The following ERC2 variants were observed in gnomAD, a reference collection of about 807,000 sequenced individuals.
ERC2 encodes the protein ERC protein 2.
ERC2 carries 42 observed loss-of-function variants against 114.8 expected under a neutral mutation model. The observed-to-expected ratio is 0.37, with a 90% CI of 0.29 to 0.47. The LOEUF is 0.47. Ranked by LOEUF, ERC2 falls within the 20% of genes least tolerant of loss-of-function variation. The pLI, the probability that ERC2 is intolerant of heterozygous loss-of-function variation, is 0.99. For synonymous variants in ERC2, 454 were observed against 425.5 expected (o/e 1.07, Z -0.82); for missense variants, 939 against 1,150.7 (o/e 0.82, Z 2.66).
Position 55,508,852 on chromosome 3 carries a change from A to G in ERC2, c.*2464T>C, listed in dbSNP as rs2051914304. 6.6e-6 allele frequency: 1 copy of G among 152,650 alleles called. No individual in the cohort carries two copies. Among genetic ancestry groups the G allele is most frequent in the African/African-American group, 2.4e-5 (1 of 41,462 alleles). The allele number at this position is 152,650 out of a possible 1,614,324, so 9.5% of individuals were successfully genotyped here. On this transcript the variant is annotated 3_prime_UTR_variant, in exon 18 of 18. Coordinates refer to ENST00000288221, the MANE Select transcript of ERC2 (RefSeq NM_015576.3). Reference sequence around the variant, plus strand: ...ATAAAGCACAAGCCTGCTTTTGCACAAAGTAAGACCAACTTCTCCTAAATG... The same window carrying G: ...ATAAAGCACAAGCCTGCTTTTGCACGAAGTAAGACCAACTTCTCCTAAATG...
At chr3:55,733,474 ACAC>A (rs2065399066) in intron 15 of ERC2, among the ~76,000 whole-genome samples, 1 of 146,662 alleles carries the variant, frequency 6.8e-6, no homozygotes, top group East Asian at 2.0e-4. Flanking sequence ...TCACACACAC[ACAC>A]ACACACACAT....
intron 3 of ERC2, among the ~76,000 whole-genome samples, chr3:56,199,751 C>G (rs1000307756): frequency 5.9e-5 from 9 of 152,120 alleles, no homozygotes; most frequent in African/African-American, 2.2e-4. Context: ...TCAAGTAATC[C>G]TCCCATCTTG....
chr3:55,892,499 G>T (rs2063658876), intron 13 of ERC2, among the ~76,000 whole-genome samples: 1 of 152,048 alleles, frequency 6.6e-6, no homozygotes, highest in African/African-American at 2.4e-5. Context: ...CTCCAGGCTG[G>T]GTGACAGAGT....
chr3:56,381,418 G>A (rs377326320), intron 2 of ERC2, among the ~76,000 whole-genome samples: 4 of 151,948 alleles, frequency 2.6e-5, no homozygotes, highest in African/African-American at 4.8e-5. Context: ...TTAACCCTCC[G>A]TATTGGCAGG....
intron 12 of ERC2, among the ~76,000 whole-genome samples, chr3:55,969,774 G>A (rs1486795114): frequency 1.3e-5 from 2 of 152,120 alleles, no homozygotes; most frequent in African/African-American, 4.8e-5. Context: ...TATGACATAC[G>A]ATGACAGAAC....
intron 14 of ERC2, among the ~76,000 whole-genome samples, chr3:55,786,380 CA>C (rs2069491231): frequency 6.6e-6 from 1 of 152,164 alleles, no homozygotes; most frequent in Non-Finnish European, 1.5e-5. Context: ...TACAGAGGAA[CA>C]AAAAAGTCTG....
At chr3:55,683,734 C>T (rs1390904928) in intron 17 of ERC2, 60 bp downstream of exon 17, 4 of 1,355,166 alleles carry the variant, frequency 3.0e-6, no homozygotes, top group Non-Finnish European at 4.2e-6. Flanking sequence ...CGAGCACGCA[C>T]ACAATACAAC....
intron 17 of ERC2, among the ~76,000 whole-genome samples, chr3:55,667,730 C>T (rs73069896): frequency 0.06 from 9,174 of 152,220 alleles, 376 homozygotes; most frequent in Non-Finnish European, 0.095. Flanking sequence ...ATCCAGGAGG[C>T]GTGTGCTATT....
chr3:56,370,214 G>A (rs2059310397), intron 2 of ERC2, among the ~76,000 whole-genome samples: 1 of 152,162 alleles, frequency 6.6e-6, no homozygotes, highest in Non-Finnish European at 1.5e-5. Flanking sequence ...CCCAATGATG[G>A]AAATCTTAGA....
At chr3:55,779,396 G>A (rs1263018523) in intron 14 of ERC2, among the ~76,000 whole-genome samples, 1 of 150,840 alleles carries the variant, frequency 6.6e-6, no homozygotes, top group African/African-American at 2.4e-5. Flanking sequence ...AACTACTCAG[G>A]AGGCTGAGGC....
intron 1 of ERC2, among the ~76,000 whole-genome samples, chr3:56,437,088 C>T (rs1217125707): frequency 6.6e-6 from 1 of 152,188 alleles, no homozygotes; most frequent in Non-Finnish European, 1.5e-5. Flanking sequence ...AGTCATGTGA[C>T]TTTATTTGTC....
At chr3:55,637,617 T>C (rs1213728362) in intron 17 of ERC2, among the ~76,000 whole-genome samples, 1 of 152,202 alleles carries the variant, frequency 6.6e-6, no homozygotes, top group Non-Finnish European at 1.5e-5. Flanking sequence ...CTTGAATGCA[T>C]TGAGTACTCA....
intron 14 of ERC2, among the ~76,000 whole-genome samples, chr3:55,756,656 A>G (rs2067078452): frequency 6.6e-6 from 1 of 152,232 alleles, no homozygotes; most frequent in South Asian, 2.1e-4. Context: ...CACTGGCCCA[A>G]GCCATGAAAA....
chr3:55,667,378 C>T (rs2061395082), intron 17 of ERC2, among the ~76,000 whole-genome samples: 1 of 152,142 alleles, frequency 6.6e-6, no homozygotes. Flanking sequence ...AAAAAGATTC[C>T]AGAGGGAATT....
At chr3:56,239,593 TTTACTATTA>T (rs1400936499) in intron 3 of ERC2, among the ~76,000 whole-genome samples, 1 of 152,174 alleles carries the variant, frequency 6.6e-6, no homozygotes, top group African/African-American at 2.4e-5. Context: ...CTGAGAAGTA[TTTACTATTA>T]TTACTTGGGA....
At chr3:55,523,345 T>C (rs1300077086) in intron 17 of ERC2, among the ~76,000 whole-genome samples, 1 of 152,246 alleles carries the variant, frequency 6.6e-6, no homozygotes, top group Admixed American at 6.5e-5. Context: ...TGCCAATCCA[T>C]GAACAGAGAT....
chr3:55,576,738 C>T (rs987721905), intron 17 of ERC2, among the ~76,000 whole-genome samples: 5 of 152,374 alleles, frequency 3.3e-5, no homozygotes, highest in Admixed American at 2.0e-4. Flanking sequence ...CCTGGGCTGA[C>T]GGCCCCGTCC....
chr3:55,665,566 G>C (rs1559470618), intron 17 of ERC2, among the ~76,000 whole-genome samples: 3 of 152,138 alleles, frequency 2.0e-5, no homozygotes, highest in Admixed American at 1.3e-4. Context: ...ACAGAGATCA[G>C]AGTGATGCAT....
intron 17 of ERC2, among the ~76,000 whole-genome samples, chr3:55,678,752 A>G (rs1246772849): frequency 6.6e-6 from 1 of 152,192 alleles, no homozygotes; most frequent in Admixed American, 6.5e-5. Flanking sequence ...TGGGGAAACC[A>G]GAACTCTGAG....
Sources: allele counts gnomAD v4.1 joint callset (sites outside exome capture counted in the v4.1 genomes callset), GRCh38; gene constraint gnomAD v4.1.1; transcripts MANE v1.5; gene names NCBI Gene and HGNC (gene_info 2026-07-23, HGNC 2026-07-21).